The following FSTL5 variants were observed in gnomAD, a reference collection of about 807,000 sequenced individuals.
FSTL5 encodes follistatin like 5, also known as follistatin-related protein 5.
A neutral mutation model predicts 89.1 loss-of-function variants in FSTL5; 62 were observed. The ratio of observed to expected loss-of-function variants is 0.70; its 90% CI spans 0.57 to 0.86. The LOEUF is 0.86. Among genes scored for constraint, FSTL5 ranks in the 40% least tolerant of loss-of-function variants. FSTL5 has a pLI of 0.00. For missense variants in FSTL5, 1,057 were observed against 1,001.6 expected, an observed-to-expected ratio of 1.06 and a Z score of -0.75; for synonymous variants, 383 against 346.2, an observed-to-expected ratio of 1.11 and a Z score of -1.18.
At chr4:161,808,001 A>C (rs1730020119) in intron 4 of FSTL5, among the ~76,000 whole-genome samples, 2 of 152,218 alleles carry the variant, frequency 1.3e-5, no homozygotes, top group African/African-American at 4.8e-5. Flanking sequence ...TGGTATGGTT[A>C]CTGAGTAGAA....
chr4:161,717,055 T>A (rs1404413193), intron 6 of FSTL5, among the ~76,000 whole-genome samples: 1 of 152,214 alleles, frequency 6.6e-6, no homozygotes, highest in East Asian at 1.9e-4. Flanking sequence ...TCAATTCATA[T>A]TTGAGGGAGA....
intron 4 of FSTL5, among the ~76,000 whole-genome samples, chr4:161,872,824 TG>T (rs1732317564): frequency 6.6e-6 from 1 of 152,228 alleles, no homozygotes; most frequent in Non-Finnish European, 1.5e-5. Flanking sequence ...ATAAGGATTA[TG>T]TTTTTTATTT....
chr4:161,547,370 G>T (rs898793660), intron 8 of FSTL5, among the ~76,000 whole-genome samples: 1 of 151,906 alleles, frequency 6.6e-6, no homozygotes, highest in East Asian at 1.9e-4. Context: ...GAGCATAAAT[G>T]TTTGTTGTTT....
chr4:161,955,865 A>AT (rs895191125), intron 3 of FSTL5, among the ~76,000 whole-genome samples: 13 of 151,638 alleles, frequency 8.6e-5, no homozygotes, highest in African/African-American at 3.1e-4. Context: ...AGAAGAGAAC[A>AT]TTTTTTCAAG....
Position 161,501,401 on chromosome 4 carries a change from T to A in FSTL5, c.1340-1267A>T, listed in dbSNP as rs185782885. ...TTTCTAGGGAATAAATAGTCAACAATTTTTCCCATATAACTATGTATCCAT... is the reference window on the plus strand; with the variant it reads ...TTTCTAGGGAATAAATAGTCAACAAATTTTCCCATATAACTATGTATCCAT... On this transcript the variant is annotated intron_variant, in intron 11 of 15. Transcript: ENST00000306100. 5.9e-5 allele frequency among the ~76,000 whole-genome samples: 9 copies of A among 152,102 alleles called. No homozygotes were observed. The East Asian group carries it at 1.7e-3, about 29-fold the overall frequency.
intron 8 of FSTL5, among the ~76,000 whole-genome samples, chr4:161,567,035 T>C (rs1430680391): frequency 6.6e-6 from 1 of 152,082 alleles, no homozygotes; most frequent in Admixed American, 6.6e-5. Flanking sequence ...CATGATACAA[T>C]AAAGTATGCT....
intron 8 of FSTL5, among the ~76,000 whole-genome samples, chr4:161,556,106 G>T (rs1732380569): frequency 6.6e-6 from 1 of 151,500 alleles, no homozygotes; most frequent in African/African-American, 2.4e-5. Context: ...TTTAGTCAAA[G>T]CTGTGTCTAA....
intron 7 of FSTL5, among the ~76,000 whole-genome samples, chr4:161,591,726 A>G (rs1237677629): frequency 1.3e-5 from 2 of 152,220 alleles, no homozygotes; most frequent in Non-Finnish European, 2.9e-5. Context: ...CAATACATTT[A>G]ATCTTTATTT....
At chr4:161,717,203 CTGGCAAATCTACAGGTATGCAGATTCTA>C (rs1739018475) in intron 6 of FSTL5, among the ~76,000 whole-genome samples, 1 of 152,132 alleles carries the variant, frequency 6.6e-6, no homozygotes, top group Non-Finnish European at 1.5e-5. Context: ...TTAAGGGAAA[CTGGCAAATCTACAGGTATGCAGATTCTA>C]TTTTCTTTAG....
intron 2 of FSTL5, among the ~76,000 whole-genome samples, chr4:162,056,622 C>A (rs1245556071): frequency 6.6e-6 from 1 of 151,994 alleles, no homozygotes; most frequent in Non-Finnish European, 1.5e-5. Flanking sequence ...TTATATCATG[C>A]AAAATCACTA....
chr4:161,470,575 C>A (rs545363256), intron 13 of FSTL5, among the ~76,000 whole-genome samples: 1 of 151,952 alleles, frequency 6.6e-6, no homozygotes, highest in African/African-American at 2.4e-5. Context: ...TATTTAGGGT[C>A]CCTTAAGATT....
At chr4:161,861,632 A>C (rs1055814597) in intron 4 of FSTL5, among the ~76,000 whole-genome samples, 3 of 152,186 alleles carry the variant, frequency 2.0e-5, no homozygotes, top group Non-Finnish European at 4.4e-5. Context: ...AGGTAGCATT[A>C]TATTTTTTGA....
chr4:161,822,595 T>C (rs1730525149), intron 4 of FSTL5, among the ~76,000 whole-genome samples: 1 of 152,166 alleles, frequency 6.6e-6, no homozygotes, highest in African/African-American at 2.4e-5. Context: ...ACTGCAGAGC[T>C]GCAAAGAGGG....
At chr4:161,687,986 TAAG>T (rs1737802413) in intron 6 of FSTL5, among the ~76,000 whole-genome samples, 1 of 152,208 alleles carries the variant, frequency 6.6e-6, no homozygotes, top group South Asian at 2.1e-4. Flanking sequence ...AAGAAGGCCA[TAAG>T]GAGAGGCTGG....
At chr4:161,865,166 G>T (rs759526389) in intron 4 of FSTL5, among the ~76,000 whole-genome samples, 2 of 152,150 alleles carry the variant, frequency 1.3e-5, no homozygotes, top group Non-Finnish European at 1.5e-5. Context: ...AGTGAAAAGA[G>T]AAGAGACACT....
At chr4:162,141,168 G>A (rs937172321) in intron 1 of FSTL5, among the ~76,000 whole-genome samples, 2 of 77,092 alleles carry the variant, frequency 2.6e-5, no homozygotes, top group African/African-American at 9.1e-5. Flanking sequence ...CCAGGCTGGA[G>A]TGCAGTGGCG....
intron 7 of FSTL5, among the ~76,000 whole-genome samples, chr4:161,651,809 G>A (rs1736352776): frequency 1.3e-5 from 2 of 152,168 alleles, no homozygotes; most frequent in Non-Finnish European, 2.9e-5. Context: ...AGCCCATGTT[G>A]CAAAACAATG....
At chr4:161,492,904 T>A (rs1578875715) in intron 12 of FSTL5, among the ~76,000 whole-genome samples, 1 of 152,038 alleles carries the variant, frequency 6.6e-6, no homozygotes, top group South Asian at 2.1e-4. Flanking sequence ...ATTTTTAATA[T>A]TTACCAATAC....
intron 8 of FSTL5, among the ~76,000 whole-genome samples, chr4:161,554,853 T>C (rs1732335245): frequency 6.6e-6 from 1 of 151,692 alleles, no homozygotes; most frequent in South Asian, 2.1e-4. Context: ...TCCTTTGTCA[T>C]TAAAGCAACT....
Sources: allele counts gnomAD v4.1 joint callset (sites outside exome capture counted in the v4.1 genomes callset), GRCh38; gene constraint gnomAD v4.1.1; transcripts MANE v1.5; gene names NCBI Gene and HGNC (gene_info 2026-07-23, HGNC 2026-07-21).